Variants in DLG5 observed in about 807,000 individuals in gnomAD.
DLG5 encodes discs large MAGUK scaffold protein 5.
In DLG5, 48 loss-of-function variants were observed where a neutral mutation model predicts 189.8. That is an observed-to-expected ratio of 0.25 (90% CI 0.20 to 0.32). The LOEUF (loss-of-function observed/expected upper bound fraction) is 0.32. Ranked by LOEUF, DLG5 falls within the 10% of genes least tolerant of loss-of-function variation. The pLI, the probability that DLG5 is intolerant of heterozygous loss-of-function variation, is 1.00. For missense variants in DLG5, 2,160 were observed against 2,544.7 expected, an observed-to-expected ratio of 0.85 and a Z score of 3.25; for synonymous variants, 1,016 against 1,054.1, an observed-to-expected ratio of 0.96 and a Z score of 0.70.
intron 1 of DLG5, among the ~76,000 whole-genome samples, chr10:77,888,777 A>G (rs1564577246): frequency 6.6e-6 from 1 of 152,224 alleles, no homozygotes; most frequent in African/African-American, 2.4e-5. Context: ...AGCTTTATGC[A>G]TTAAACCAAG....
chr10:77,936,602 C>T, the DLG5 span, among the ~76,000 whole-genome samples: 23 of 152,048 alleles, frequency 1.5e-4, no homozygotes, highest in Admixed American at 2.6e-4. Context: ...GAATTATTAA[C>T]GATGAAATAA....
chr10:77,931,199 C>T (rs1242674490), upstream of DLG5, among the ~76,000 whole-genome samples: 1 of 152,012 alleles, frequency 6.6e-6, no homozygotes, highest in Non-Finnish European at 1.5e-5. Flanking sequence ...TCAAGAGATC[C>T]ACCTCTTGGG....
chr10:77,875,568 AG>A (rs1167957775), intron 1 of DLG5, among the ~76,000 whole-genome samples: 3 of 152,068 alleles, frequency 2.0e-5, no homozygotes, highest in African/African-American at 7.2e-5. Flanking sequence ...CTGCCTGCAG[AG>A]GGGAGTCGCA....
At chr10:77,868,314 T>C (rs1844769704) in intron 2 of DLG5, 1 of 359,578 alleles carries the variant, frequency 2.8e-6, no homozygotes, top group Admixed American at 3.7e-5. Context: ...CATCCAGGAG[T>C]GTGGGGCCCA....
At chr10:77,844,463 G>GT (rs1843586305) in intron 5 of DLG5, among the ~76,000 whole-genome samples, 1 of 152,192 alleles carries the variant, frequency 6.6e-6, no homozygotes, top group East Asian at 1.9e-4. Context: ...CTCCCAGAAA[G>GT]TGACATAGCC....
chr10:77,819,734 A>G (rs938991679), intron 16 of DLG5, 161 bp downstream of exon 16: 11 of 1,270,182 alleles, frequency 8.7e-6, no homozygotes, highest in Non-Finnish European at 1.2e-5. Flanking sequence ...TCATGGCTAT[A>G]AGACAAACCA....
intron 13 of DLG5, among the ~76,000 whole-genome samples, chr10:77,828,288 C>T (rs965167499): frequency 2.0e-5 from 3 of 151,980 alleles, no homozygotes; most frequent in Non-Finnish European, 4.4e-5. Context: ...GAGTTCAAGA[C>T]CAGCCTGGCC....
In DLG5 at chr10:77,853,533, G is replaced by A. The variant is rs1844082835; in HGVS notation, c.685C>T (p.Leu229Phe). The A allele has an allele frequency of 6.3e-7, 1 of 1,598,940 alleles. No individual in the cohort carries two copies. The highest frequency in any genetic ancestry group is 1.7e-5 in the Admixed American group (1 of 59,488). Residue 229 changes from leucine (L) to phenylalanine (F), a missense_variant, in exon 5 of 32, where the codon CTC (leucine) becomes TTC (phenylalanine). Physicochemically the swap from Leu to Phe is conservative, Grantham distance 22 (BLOSUM62 0). Around this residue, in one of 5 missense-constraint regions of DLG5, gnomAD observed 664 missense variants for 838.5 expected, o/e 0.79. Transcript: ENST00000372391. The stretch of plus-strand genomic sequence containing the variant: ...TGGTCACTCAGGAGCCGGCTGTGGA[G>A]TGTGCTGAAACACCCGGTACATGCT... ...VAKETDFYHT[L>F]HSRLLSDQTR... is the part of the protein sequence containing the mutation.
At chr10:77,871,998 C>G (rs1467134429) in intron 1 of DLG5, among the ~76,000 whole-genome samples, 2 of 152,244 alleles carry the variant, frequency 1.3e-5, no homozygotes, top group Non-Finnish European at 1.5e-5. Context: ...CTAAACTCAA[C>G]TACCATTTTT....
chr10:77,925,962 CG>C (rs1846674339), intron 1 of DLG5, among the ~76,000 whole-genome samples: 1 of 152,224 alleles, frequency 6.6e-6, no homozygotes, highest in African/African-American at 2.4e-5. Context: ...TGGTGGCCCC[CG>C]GGGACCCTGT....
intron 13 of DLG5, among the ~76,000 whole-genome samples, chr10:77,825,374 C>CCCCACA (rs376716808): frequency 1.5e-5 from 2 of 130,816 alleles, no homozygotes; most frequent in Admixed American, 1.6e-4. Flanking sequence ...CCACACACAA[C>CCCCACA]CACACACACA....
At chr10:77,862,214 G>C (rs2154576898) in intron 2 of DLG5, among the ~76,000 whole-genome samples, 1 of 152,196 alleles carries the variant, frequency 6.6e-6, no homozygotes, top group African/African-American at 2.4e-5. Flanking sequence ...CAGCAAAGGA[G>C]CTCACTACTT....
chr10:77,933,947 C>G, the DLG5 span, among the ~76,000 whole-genome samples: 7 of 151,792 alleles, frequency 4.6e-5, no homozygotes, highest in South Asian at 1.3e-3. Context: ...ACTTGGGAGG[C>G]TGAGGCAGGA....
chr10:77,904,311 A>C (rs1055814554), intron 1 of DLG5, among the ~76,000 whole-genome samples: 1 of 151,708 alleles, frequency 6.6e-6, no homozygotes, highest in Non-Finnish European at 1.5e-5. Flanking sequence ...AACTGTTCAT[A>C]GGCGGAAGGG....
chr10:77,844,293 C>T (rs1249640252), intron 5 of DLG5, among the ~76,000 whole-genome samples: 1 of 152,158 alleles, frequency 6.6e-6, no homozygotes, highest in Non-Finnish European at 1.5e-5. Context: ...TAAGTGCCTC[C>T]GGTGAAACTC....
chr10:77,793,805 T>G, intron 31 of DLG5: 1 of 592,294 alleles, frequency 1.7e-6, no homozygotes. Flanking sequence ...CCAAGATCGG[T>G]GAGCTTAACA....
the DLG5 span, among the ~76,000 whole-genome samples, chr10:77,933,797 A>T: frequency 6.6e-6 from 1 of 152,126 alleles, no homozygotes; most frequent in Admixed American, 6.6e-5. Flanking sequence ...CTCCCAAAAG[A>T]CAACCATGCT....
At chr10:77,923,503 AT>A (rs1846595935) in intron 1 of DLG5, among the ~76,000 whole-genome samples, 2 of 152,242 alleles carry the variant, frequency 1.3e-5, no homozygotes, top group African/African-American at 4.8e-5. Context: ...CACGCCTGTA[AT>A]CCCAACACTT....
the DLG5 span, among the ~76,000 whole-genome samples, chr10:77,935,939 T>C: frequency 1.3e-5 from 2 of 152,196 alleles, no homozygotes; most frequent in African/African-American, 4.8e-5. Flanking sequence ...CCCAGGATGC[T>C]GAAAATGGAA....
Sources: allele counts gnomAD v4.1 joint callset (sites outside exome capture counted in the v4.1 genomes callset), GRCh38; gene constraint gnomAD v4.1.1; regional missense constraint gnomAD v4.1.1; transcripts MANE v1.5; gene names NCBI Gene and HGNC (gene_info 2026-07-23, HGNC 2026-07-21).